Variants in ABCC1 observed in about 807,000 individuals in gnomAD.
ABCC1 encodes multidrug resistance-associated protein 1.
In ABCC1, 83 loss-of-function variants were observed where a neutral mutation model predicts 172.9. The observed-to-expected ratio is 0.48, with a 90% CI of 0.40 to 0.58. ABCC1 has a LOEUF of 0.58. Ranked by LOEUF, ABCC1 falls within the 20% of genes least tolerant of loss-of-function variation. The pLI is 0.00. For synonymous variants in ABCC1, 937 were observed against 825.2 expected, an observed-to-expected ratio of 1.14 and a Z score of -2.32; for missense variants, 1,817 against 2,002.7, an observed-to-expected ratio of 0.91 and a Z score of 1.77.
At chr16:16,132,524 T>TTGAGATGGAGTC (rs2045741263) in intron 27 of ABCC1, among the ~76,000 whole-genome samples, 3 of 131,998 alleles carry the variant, frequency 2.3e-5, no homozygotes, top group Non-Finnish European at 4.8e-5. Flanking sequence ...TTTTTTTTTT[T>TTGAGATGGAGTC]TTTTTTTTTT....
At chr16:16,095,698 T>C (rs1468665325) in intron 19 of ABCC1, among the ~76,000 whole-genome samples, 2 of 152,166 alleles carry the variant, frequency 1.3e-5, no homozygotes. Flanking sequence ...TATATTTTTA[T>C]GTTTTTTTAT....
chr16:16,050,353 G>C (rs537480086), intron 10 of ABCC1, among the ~76,000 whole-genome samples: 6 of 152,110 alleles, frequency 3.9e-5, no homozygotes, highest in Non-Finnish European at 5.9e-5. Context: ...CAACTACTTG[G>C]GTGGCTGAGG....
chr16:16,124,406 T>G lies in ABCC1; in HGVS notation c.3591-383T>G, dbSNP rs12443966. ...GTGTGTGTGTGTGTGTGTGTGTGTG[T>G]GTGTATGTGTGTGTGTGTGATTATA... On this transcript the variant is annotated intron_variant, in intron 24 of 30. Transcript: ENST00000399410. Among the ~76,000 whole-genome samples the G allele has an allele frequency of 6.7e-3, 643 of 95,916 alleles. 2 individuals carry two copies. Among genetic ancestry groups the G allele is most frequent in the Middle Eastern group, 0.013 (2 of 152 alleles). The allele number at this position is 95,916 out of a possible 152,430, so 62.9% of individuals were successfully genotyped here.
At chr16:16,023,478 C>T (rs939663323) in intron 5 of ABCC1, among the ~76,000 whole-genome samples, 2 of 152,172 alleles carry the variant, frequency 1.3e-5, no homozygotes, top group Non-Finnish European at 2.9e-5. Flanking sequence ...CTGTCCCCAC[C>T]CACCAAGGCC....
chr16:16,109,617 C>T (rs551676543), intron 21 of ABCC1, among the ~76,000 whole-genome samples: 105 of 152,308 alleles, frequency 6.9e-4, no homozygotes, highest in Non-Finnish European at 1.0e-3. Context: ...ATTGCCCTGT[C>T]TCTCATGTCA....
intron 12 of ABCC1, among the ~76,000 whole-genome samples, chr16:16,063,686 C>T (rs961699050): frequency 3.9e-5 from 6 of 152,018 alleles, no homozygotes; most frequent in Admixed American, 1.3e-4. Context: ...TAGGAGTTCC[C>T]AAGATAATGT....
chr16:16,106,686 A>G, intron 20 of ABCC1, 52 bp from the exon 21 acceptor site: 1 of 1,611,142 alleles, frequency 6.2e-7, no homozygotes, highest in Non-Finnish European at 8.5e-7. Context: ...GAGCCCTCCG[A>G]CCCTGCCCAA....
chr16:15,997,219 G>A (rs8044115), intron 1 of ABCC1, among the ~76,000 whole-genome samples: 13,377 of 151,444 alleles, frequency 0.088, 687 homozygotes, highest in Middle Eastern at 0.15. Flanking sequence ...AGCCTCTCAC[G>A]TAGCCGGGAC....
rs1372214591 is a variant in ABCC1 at position 16,068,200 on chromosome 16, C to G, written c.1722C>G (p.Asn574Lys). ...CCGTCTACGTGACCATTGACGAGAACAACATCCTGGATGCCCAGACAGCCT... is the reference window on the plus strand; with the variant it reads ...CCGTCTACGTGACCATTGACGAGAAGAACATCCTGGATGCCCAGACAGCCT... Reference protein sequence around the residue: ...TFAVYVTIDENNILDAQTAFV... With the variant: ...TFAVYVTIDEKNILDAQTAFV... The change falls in exon 13 of 31, where the codon AAC becomes AAG. Residue 574 changes from asparagine (N) to lysine (K), a missense_variant. Asn to Lys is a moderately conservative substitution (Grantham distance 94). Coordinates refer to ENST00000399410, the MANE Select transcript of ABCC1 (RefSeq NM_004996.4). The G allele has an allele frequency of 2.2e-5, 35 of 1,614,056 alleles. 1 individual carries two copies. The highest frequency in any genetic ancestry group is 1.6e-4 in the Middle Eastern group (1 of 6,084).
At chr16:16,076,657 A>G (rs989933389) in intron 15 of ABCC1, among the ~76,000 whole-genome samples, 4 of 152,194 alleles carry the variant, frequency 2.6e-5, no homozygotes, top group African/African-American at 9.7e-5. Context: ...AGCTAGACTT[A>G]GACAATACAG....
chr16:16,010,006 A>T, intron 3 of ABCC1, 105 bp downstream of exon 3: 1 of 598,466 alleles, frequency 1.7e-6, no homozygotes. Context: ...GGCAATGATC[A>T]GCTGGAGCTG....
chr16:15,961,613 G>A (rs372576776), intron 1 of ABCC1, among the ~76,000 whole-genome samples: 31 of 152,232 alleles, frequency 2.0e-4, no homozygotes, highest in East Asian at 1.3e-3. Context: ...GTGCAAGAAC[G>A]TGTTCGTTTG....
At chr16:16,068,103 A>C in intron 12 of ABCC1, 53 bp from the exon 13 acceptor site, 2 of 1,608,448 alleles carry the variant, frequency 1.2e-6, no homozygotes, top group Admixed American at 1.7e-5. Flanking sequence ...TGCTCCTAGG[A>C]TGATGACTCT....
intron 18 of ABCC1, among the ~76,000 whole-genome samples, chr16:16,087,527 A>C (rs2051058462): frequency 6.6e-6 from 1 of 152,056 alleles, no homozygotes; most frequent in African/African-American, 2.4e-5. Flanking sequence ...GCATGATCTC[A>C]GCTCACTGCA....
At chr16:15,954,614 CG>C (rs2045946856) in intron 1 of ABCC1, among the ~76,000 whole-genome samples, 1 of 152,080 alleles carries the variant, frequency 6.6e-6, no homozygotes, top group Non-Finnish European at 1.5e-5. Context: ...CAATCAGGAG[CG>C]GATTCAGGGT....
At chr16:15,960,454 A>C (rs1051140593) in intron 1 of ABCC1, among the ~76,000 whole-genome samples, 1 of 152,148 alleles carries the variant, frequency 6.6e-6, no homozygotes, top group Non-Finnish European at 1.5e-5. Context: ...GTCATTATTA[A>C]TTGAGCAGCT....
intron 1 of ABCC1, among the ~76,000 whole-genome samples, chr16:15,961,370 ATGT>A (rs1903637790): frequency 2.0e-5 from 3 of 152,294 alleles, no homozygotes; most frequent in African/African-American, 7.2e-5. Flanking sequence ...TTAAAACAAG[ATGT>A]TGTTGAATTG....
rs1469446146 is a variant in ABCC1 at position 16,044,558 on chromosome 16, G to A, written c.918G>A (p.Gln306=). 1 of 1,614,180 alleles carries A rather than the reference G, an allele frequency of 6.2e-7. No homozygotes were observed. Among genetic ancestry groups the A allele is most frequent in the Non-Finnish European group, 8.5e-7 (1 of 1,180,032 alleles). ...EVEALIVKSP[Q]KEWNPSLFKV... is the part of the protein sequence containing the mutation. ...AGGCTTTGATCGTCAAGTCCCCACA[G>A]AAGGAGTGGAACCCCTCTCTGTTTA... is the stretch of plus-strand genomic sequence containing the variant. The change falls in exon 8 of 31, where the codon CAG becomes CAA. Residue 306 remains glutamine (Q), a synonymous_variant. Transcript: ENST00000399410.
chr16:15,957,613 T>A (rs1433715205), intron 1 of ABCC1, among the ~76,000 whole-genome samples: 3 of 152,178 alleles, frequency 2.0e-5, no homozygotes, highest in Admixed American at 6.5e-5. Context: ...ATTTATTTAT[T>A]TGAGACGGAG....
Sources: allele counts gnomAD v4.1 joint callset (sites outside exome capture counted in the v4.1 genomes callset), GRCh38; gene constraint gnomAD v4.1.1; transcripts MANE v1.5; gene names NCBI Gene and HGNC (gene_info 2026-07-23, HGNC 2026-07-21).